The following CROT variants were observed in gnomAD, a reference collection of about 807,000 sequenced individuals.
CROT encodes the protein carnitine O-octanoyltransferase.
CROT carries 84 observed loss-of-function variants against 89.2 expected under a neutral mutation model. That is an observed-to-expected ratio of 0.94 (90% CI 0.79 to 1.13). The LOEUF (loss-of-function observed/expected upper bound fraction) is 1.13, where lower values mean the gene tolerates loss of function less well. CROT is among the 50% of genes most tolerant of loss of function. The pLI, the probability that CROT is intolerant of heterozygous loss-of-function variation, is 0.00. For synonymous variants in CROT, 212 were observed against 239.5 expected (o/e 0.89, Z 1.06); for missense variants, 711 against 727.8 (o/e 0.98, Z 0.27).
At chr7:87,357,543 C>G in intron 3 of CROT, 1 of 1,501,198 alleles carries the variant, frequency 6.7e-7, no homozygotes, top group Non-Finnish European at 9.1e-7. Context: ...GGTCTTGATC[C>G]AGATGCTAAG....
At chr7:87,365,072 G>C (rs1040729291) in intron 6 of CROT, among the ~76,000 whole-genome samples, 1 of 152,168 alleles carries the variant, frequency 6.6e-6, no homozygotes, top group African/African-American at 2.4e-5. Context: ...GAGATGACAT[G>C]CTGTGTTTTT....
intron 4 of CROT, chr7:87,360,116 AGTT>A (rs1806223792): frequency 1.1e-6 from 1 of 942,728 alleles, no homozygotes; most frequent in Non-Finnish European, 1.3e-6. Context: ...AAGGTAAAGA[AGTT>A]GTTGTTTTAT....
At chr7:87,391,552 C>A in intron 13 of CROT, 37 bp from the exon 14 acceptor site, 1 of 1,569,662 alleles carries the variant, frequency 6.4e-7, no homozygotes, top group Non-Finnish European at 8.6e-7. Flanking sequence ...AGAGCATTTT[C>A]TTTCTTATGA....
intron 14 of CROT, among the ~76,000 whole-genome samples, 166 bp downstream of exon 14, chr7:87,391,878 T>C (rs1807371204): frequency 6.6e-6 from 1 of 152,200 alleles, no homozygotes; most frequent in Admixed American, 6.6e-5. Context: ...ACCAGTGAAA[T>C]GTGTAATTGG....
chr7:87,369,316 G>C, intron 6 of CROT, 60 bp from the exon 7 acceptor site: 3 of 1,069,470 alleles, frequency 2.8e-6, no homozygotes, highest in South Asian at 1.4e-5. Flanking sequence ...TTGGATATAT[G>C]CATCTTTACT....
chr7:87,355,514 A>G (rs1806036186), intron 3 of CROT, among the ~76,000 whole-genome samples: 1 of 152,196 alleles, frequency 6.6e-6, no homozygotes, highest in Non-Finnish European at 1.5e-5. Flanking sequence ...TAAAATTATT[A>G]TTATTTTTCA....
Position 87,345,738 on chromosome 7 carries a change from C to T in CROT, c.-142C>T. The T allele has an allele frequency of 3.0e-6, 1 of 333,868 alleles. No individual in the cohort carries two copies. Among genetic ancestry groups the T allele is most frequent in the African/African-American group, 2.1e-5 (1 of 47,474 alleles). 20.7% of individuals were successfully genotyped at this position (333,868 alleles called of 1,614,324 possible). A position where few individuals can be genotyped will look rare whatever the true frequency, so the allele number is the denominator to read the frequency against. On this transcript the variant is annotated 5_prime_UTR_variant, in exon 1 of 18. Coordinates refer to ENST00000331536, the MANE Select transcript of CROT (RefSeq NM_021151.4). Reference sequence around the variant, plus strand: ...CTGCAGGCTGAGGCTGCGGCAGAGGCGGCGAGGCGCGGGCGGTGAGGACGG... The same window carrying T: ...CTGCAGGCTGAGGCTGCGGCAGAGGTGGCGAGGCGCGGGCGGTGAGGACGG...
At chr7:87,398,328 C>T in intron 17 of CROT, 196 bp from the exon 18 acceptor site, 1 of 707,070 alleles carries the variant, frequency 1.4e-6, no homozygotes. Context: ...TGCTAGTCAT[C>T]TAATGAATGA....
intron 17 of CROT, among the ~76,000 whole-genome samples, chr7:87,397,825 T>C (rs533000530): frequency 6.6e-6 from 1 of 152,320 alleles, no homozygotes; most frequent in Admixed American, 6.5e-5. Context: ...GATGTGAAAA[T>C]TGCATGGTTT....
intron 7 of CROT, chr7:87,375,418 GAAATT>G (rs548478630): frequency 3.8e-5 from 18 of 472,670 alleles, no homozygotes; most frequent in African/African-American, 3.3e-4. Flanking sequence ...TTTATTTACT[GAAATT>G]AAATTATTGT....
chr7:87,389,507 A>G (rs145811096), intron 13 of CROT, among the ~76,000 whole-genome samples: 3,801 of 152,178 alleles, frequency 0.025, 156 homozygotes, highest in African/African-American at 0.087. Flanking sequence ...ATCATTCTCA[A>G]CAAACTAACA....
chr7:87,366,733 C>T (rs1806461273), intron 6 of CROT, among the ~76,000 whole-genome samples: 1 of 152,214 alleles, frequency 6.6e-6, no homozygotes, highest in Admixed American at 6.5e-5. Context: ...TTTGCTACCT[C>T]TCCCCAGTAC....
chr7:87,362,227 C>T (rs1806301042), intron 6 of CROT, among the ~76,000 whole-genome samples: 1 of 151,230 alleles, frequency 6.6e-6, no homozygotes, highest in Non-Finnish European at 1.5e-5. Flanking sequence ...CTTATATGTG[C>T]TTATCATGCC....
intron 10 of CROT, among the ~76,000 whole-genome samples, chr7:87,379,013 C>T (rs1806903704): frequency 2.0e-5 from 3 of 152,150 alleles, no homozygotes; most frequent in African/African-American, 7.2e-5. Context: ...CAGAATAGTT[C>T]TTGTTAATTG....
At chr7:87,352,057 T>A (rs749989091) in intron 3 of CROT, among the ~76,000 whole-genome samples, 10 of 152,224 alleles carry the variant, frequency 6.6e-5, no homozygotes, top group Non-Finnish European at 1.2e-4. Flanking sequence ...GCTAAGCTAG[T>A]CAGTTGTGAC....
At chr7:87,389,554 A>G (rs1433645913) in intron 13 of CROT, among the ~76,000 whole-genome samples, 4 of 151,850 alleles carry the variant, frequency 2.6e-5, no homozygotes, top group Non-Finnish European at 4.4e-5. Context: ...GTTCTCACTC[A>G]TAAGTGGGAG....
At chr7:87,362,304 CTTTTTTTTTT>C (rs1237429320) in intron 6 of CROT, among the ~76,000 whole-genome samples, 1 of 132,358 alleles carries the variant, frequency 7.6e-6, no homozygotes, top group Non-Finnish European at 1.6e-5. Context: ...GTCACTCTTC[CTTTTTTTTTT>C]TTTTTTTTTG....
At position 87,359,274 on chromosome 7, in the gene CROT, A is replaced by T; in HGVS notation, c.184A>T (p.Ile62Phe). 1 of 1,599,088 alleles carries T rather than the reference A, an allele frequency of 6.3e-7. No individual in the cohort carries two copies. The highest frequency in any genetic ancestry group is 1.3e-5 in the African/African-American group (1 of 74,712). The change falls in exon 4 of 18, where the codon ATT becomes TTT. Residue 62 changes from isoleucine (I) to phenylalanine (F), a missense_variant. Physicochemically the swap from Ile to Phe is conservative, Grantham distance 21. Coordinates refer to ENST00000331536, the MANE Select transcript of CROT (RefSeq NM_021151.4). The part of the protein sequence containing the change: ...EEIVQKFQSG[I>F]GEKLHQKLLE... ...AATAGTTCAAAAATTTCAAAGTGGG[A>T]TTGGAGAAAAATTGCACCAGAAATT...
At chr7:87,363,298 A>G (rs1479888408) in intron 6 of CROT, among the ~76,000 whole-genome samples, 2 of 152,240 alleles carry the variant, frequency 1.3e-5, no homozygotes, top group African/African-American at 4.8e-5. Flanking sequence ...AGTGTGAGGT[A>G]GACATGAAAA....
Sources: gnomAD v4.1 joint callset for allele counts (sites outside exome capture counted in the v4.1 genomes callset) on GRCh38, gnomAD v4.1.1 for gene constraint, MANE v1.5 for transcripts, NCBI Gene and HGNC (gene_info 2026-07-23, HGNC 2026-07-21) for gene names.